The following PTPN14 variants were observed in gnomAD, a reference collection of about 807,000 sequenced individuals.
PTPN14 encodes the protein tyrosine-protein phosphatase non-receptor type 14.
A neutral mutation model predicts 126.8 loss-of-function variants in PTPN14; 53 were observed. The ratio of observed to expected loss-of-function variants is 0.42; its 90% CI spans 0.34 to 0.53. The LOEUF is 0.53. PTPN14 is among the 20% of genes least tolerant of loss of function. PTPN14 has a pLI of 0.08. For missense variants in PTPN14, 1,257 were observed against 1,552.9 expected (o/e 0.81, Z 3.20); for synonymous variants, 630 against 599.3 (o/e 1.05, Z -0.75).
Position 214,364,726 on chromosome 1 carries a change from T to G in PTPN14, c.3272-51A>C, listed in dbSNP as rs761907664. 1.3e-6 allele frequency: 2 copies of G among 1,570,372 alleles called. No homozygotes were observed. The highest frequency in any genetic ancestry group is 2.8e-5 in the African/African-American group (2 of 71,924). On this transcript the variant is annotated intron_variant, in intron 17 of 18. Transcript: ENST00000366956. This position sits in a 1 kb window ranked among gnomAD's most constrained non-coding sequence, Gnocchi z 4.1. ...CACCAAAGTCCTCCATGGCTTCGCA[T>G]GTAAGTTGGGGAGGGGGGAGCGGAA...
chr1:214,520,674 C>T (rs938044217), intron 1 of PTPN14, among the ~76,000 whole-genome samples: 2 of 152,250 alleles, frequency 1.3e-5, no homozygotes, highest in African/African-American at 4.8e-5. Flanking sequence ...TACAGGCCCC[C>T]CTCCAGTCCC....
At chr1:214,483,517 T>C in intron 1 of PTPN14, 2 of 654,158 alleles carry the variant, frequency 3.1e-6, no homozygotes, top group East Asian at 2.7e-5. Flanking sequence ...GTCTTGAAGT[T>C]TCTTCTTTGT....
intron 1 of PTPN14, among the ~76,000 whole-genome samples, chr1:214,540,970 CT>C (rs1237447590): frequency 6.6e-6 from 1 of 152,146 alleles, no homozygotes; most frequent in Non-Finnish European, 1.5e-5. Flanking sequence ...ACATCTATTA[CT>C]CATCAATTCC....
chr1:214,435,071 C>A (rs7519523), intron 3 of PTPN14, among the ~76,000 whole-genome samples: 1 of 152,162 alleles, frequency 6.6e-6, no homozygotes, highest in African/African-American at 2.4e-5. Context: ...CCGCAGGCTG[C>A]GGGTTGCACA....
intron 1 of PTPN14, among the ~76,000 whole-genome samples, chr1:214,543,351 G>T (rs1047631724): frequency 1.3e-4 from 20 of 152,002 alleles, no homozygotes; most frequent in Admixed American, 3.3e-4. Flanking sequence ...TGTTTTTTAA[G>T]TATCCAAGTA....
Position 214,386,404 on chromosome 1 carries a change from G to A in PTPN14, c.1066+440C>T, listed in dbSNP as rs983306512. Among the ~76,000 whole-genome samples, 3 of 152,212 alleles carry A rather than the reference G, an allele frequency of 2.0e-5. 1 individual carries two copies. The highest frequency in any genetic ancestry group is 1.3e-4 in the Admixed American group (2 of 15,282). On this transcript the variant is annotated intron_variant, in intron 12 of 18. Coordinates refer to ENST00000366956, the MANE Select transcript of PTPN14 (RefSeq NM_005401.5). ...TGTACCAAGAAAGGGGCTGGAGAAA[G>A]AGATGAGAAAAACAGCTAAAAGAAA...
At chr1:214,467,637 T>C (rs970825721) in intron 1 of PTPN14, among the ~76,000 whole-genome samples, 8 of 152,246 alleles carry the variant, frequency 5.3e-5, no homozygotes, top group African/African-American at 1.9e-4. Context: ...TGATATTAAA[T>C]AGAATTCTAA....
intron 8 of PTPN14, 125 bp downstream of exon 8, chr1:214,397,788 T>C (rs1658920979): frequency 4.1e-6 from 3 of 737,720 alleles, no homozygotes; most frequent in Non-Finnish European, 6.6e-6. Flanking sequence ...TCACCTTATA[T>C]GAGCTGAGAG....
rs545632800 is a variant in PTPN14 at position 214,349,541 on chromosome 1, T to A, written c.*8381A>T. On this transcript the variant is annotated 3_prime_UTR_variant, in exon 19 of 19. Transcript: ENST00000366956. Reference sequence around the variant, plus strand: ...ACTGAAGTAGGGAGCACAAGCCTAGTCCAGTGAAACAAACTAGATTAGCTT... The same window carrying A: ...ACTGAAGTAGGGAGCACAAGCCTAGACCAGTGAAACAAACTAGATTAGCTT... The A allele has an allele frequency of 3.3e-5, 5 of 152,336 alleles. No homozygotes were observed. In the East Asian group the frequency reaches 7.7e-4, roughly 23 times the overall value. 9.4% of individuals were successfully genotyped at this position (152,336 alleles called of 1,614,324 possible).
rs1228666543 is a variant in PTPN14 at position 214,349,512 on chromosome 1, A to G, written c.*8410T>C. ...GAAACAAAGATCAAGGAAAGCATCA[A>G]AATACTGAAGTAGGGAGCACAAGCC... is the stretch of plus-strand genomic sequence containing the variant. On this transcript the variant is annotated 3_prime_UTR_variant, in exon 19 of 19. Transcript: ENST00000366956. The G allele has an allele frequency of 6.6e-6, 1 of 152,274 alleles. No homozygotes were observed. The highest frequency in any genetic ancestry group is 2.4e-5 in the African/African-American group (1 of 41,480). 9.4% of individuals were successfully genotyped at this position (152,274 alleles called of 1,614,324 possible). A position where few individuals can be genotyped will look rare whatever the true frequency, so the allele number is the denominator to read the frequency against.
chr1:214,376,311 T>C lies in PTPN14; in HGVS notation c.2815A>G (p.Ile939Val). 1 of 1,614,210 alleles carries C rather than the reference T, an allele frequency of 6.2e-7. No homozygotes were observed. The change falls in exon 15 of 19, where the codon ATC becomes GTC. Residue 939 changes from isoleucine to valine, a missense_variant. Around this residue, in one of 3 missense-constraint regions of PTPN14, gnomAD observed 65 missense variants for 139.7 expected, o/e 0.47. Transcript: ENST00000366956. ...ALPENAERSRIREVVPYEENR... is the reference protein window; with the variant it reads ...ALPENAERSRVREVVPYEENR... Reference sequence around the variant, plus strand: ...TCCTCATAGGGGACAACTTCACGGATTCGGCTGCGCTCGGCGTTTTCTGGC... The same window carrying C: ...TCCTCATAGGGGACAACTTCACGGACTCGGCTGCGCTCGGCGTTTTCTGGC...
At chr1:214,531,094 A>G (rs751543354) in intron 1 of PTPN14, 1 of 152,192 alleles carries the variant, frequency 6.6e-6, no homozygotes, top group Non-Finnish European at 1.5e-5. Context: ...AATAAAATCC[A>G]TTACAGGAAA....
intron 1 of PTPN14, chr1:214,483,043 C>T: frequency 6.2e-7 from 1 of 1,607,342 alleles, no homozygotes; most frequent in South Asian, 1.1e-5. Context: ...TACTGTGAAC[C>T]TTGTCTACAT....
At chr1:214,404,124 C>G (rs1200136320) in intron 5 of PTPN14, among the ~76,000 whole-genome samples, 1 of 152,192 alleles carries the variant, frequency 6.6e-6, no homozygotes, top group African/African-American at 2.4e-5. Context: ...AACACTACCC[C>G]TAAAAATGTA....
chr1:214,388,169 G>A (rs1432318953), intron 11 of PTPN14, among the ~76,000 whole-genome samples: 11 of 152,248 alleles, frequency 7.2e-5, no homozygotes, highest in Non-Finnish European at 1.3e-4. Flanking sequence ...AAGGAAAGAC[G>A]GTTATGCACT....
intron 2 of PTPN14, among the ~76,000 whole-genome samples, chr1:214,460,367 C>T (rs1480589415): frequency 6.6e-6 from 1 of 151,744 alleles, no homozygotes; most frequent in Admixed American, 6.6e-5. Flanking sequence ...CCTCCTTTAC[C>T]CTCCTTCCCT....
intron 3 of PTPN14, among the ~76,000 whole-genome samples, chr1:214,426,367 T>C (rs1382408127): frequency 6.6e-6 from 1 of 152,168 alleles, no homozygotes; most frequent in Non-Finnish European, 1.5e-5. Flanking sequence ...GCTCTAGGAT[T>C]AAAGGAGGAG....
At chr1:214,460,319 C>G (rs1480676444) in intron 2 of PTPN14, among the ~76,000 whole-genome samples, 1 of 152,046 alleles carries the variant, frequency 6.6e-6, no homozygotes, top group Admixed American at 6.5e-5. Context: ...TAGGCAGACA[C>G]AGCAAACCCT....
At chr1:214,485,248 G>A (rs1027127493) in intron 1 of PTPN14, among the ~76,000 whole-genome samples, 4 of 152,072 alleles carry the variant, frequency 2.6e-5, no homozygotes, top group Non-Finnish European at 5.9e-5. Flanking sequence ...TTTTTATTCT[G>A]AGCACTTATA....
Sources: allele counts gnomAD v4.1 joint callset (sites outside exome capture counted in the v4.1 genomes callset), GRCh38; gene constraint gnomAD v4.1.1; regional missense constraint gnomAD v4.1.1; non-coding constraint Gnocchi (gnomAD v3.1); transcripts MANE v1.5; gene names NCBI Gene and HGNC (gene_info 2026-07-23, HGNC 2026-07-21).